The following PDPK1 variants were observed in gnomAD, a reference collection of about 807,000 sequenced individuals.
PDPK1 encodes the protein 3-phosphoinositide-dependent protein kinase 1.
In PDPK1, 7 loss-of-function variants were observed where a neutral mutation model predicts 39.8. The observed-to-expected ratio is 0.18, with a 90% CI of 0.10 to 0.33. PDPK1 has a LOEUF of 0.33. PDPK1 is among the 10% of genes least tolerant of loss of function. PDPK1 has a pLI of 1.00. For missense variants in PDPK1, 182 were observed against 384.7 expected, an observed-to-expected ratio of 0.47 and a Z score of 4.41; for synonymous variants, 118 against 159.1, an observed-to-expected ratio of 0.74 and a Z score of 1.95.
chr16:2,588,377 C>T (rs551891112), intron 11 of PDPK1, among the ~76,000 whole-genome samples: 1 of 152,290 alleles, frequency 6.6e-6, no homozygotes, highest in African/African-American at 2.4e-5. Flanking sequence ...AGGAGCTTCC[C>T]GGGCTCGTGT....
intron 1 of PDPK1, among the ~76,000 whole-genome samples, chr16:2,551,680 T>G: frequency 7.7e-6 from 1 of 129,942 alleles, no homozygotes; most frequent in South Asian, 2.2e-4. Flanking sequence ...TTTTTTTTTG[T>G]TTTTAGACGG....
At chr16:2,595,412 G>A (rs2067080199) in intron 11 of PDPK1, among the ~76,000 whole-genome samples, 1 of 152,074 alleles carries the variant, frequency 6.6e-6, no homozygotes, top group African/African-American at 2.4e-5. Context: ...TTGACTCCGC[G>A]GGCAGCCACC....
At chr16:2,584,523 A>G (rs1160181280) in intron 10 of PDPK1, among the ~76,000 whole-genome samples, 378 of 148,796 alleles carry the variant, frequency 2.5e-3, no homozygotes, top group African/African-American at 8.4e-3. Flanking sequence ...GTGCACCACC[A>G]TGCCCGGCTA....
rs1468938753 is a variant in PDPK1, at chr16:2,541,021, T to A, written c.24+2885T>A. ...CTTATGTGGCTGGTCTGGTGCATAG[T>A]GTGATGTATTCCTGTACGCAACGTT... On this transcript the variant is annotated intron_variant, in intron 1 of 13. Coordinates refer to ENST00000342085, the MANE Select transcript of PDPK1 (RefSeq NM_002613.5). Among the ~76,000 whole-genome samples, 3 of 152,026 alleles carry A rather than the reference T, an allele frequency of 2.0e-5. No homozygotes were observed. In the East Asian group the frequency reaches 5.8e-4, roughly 29 times the overall value.
chr16:2,538,303 G>T (rs959260699), intron 1 of PDPK1, 167 bp downstream of exon 1: 4 of 262,362 alleles, frequency 1.5e-5, no homozygotes, highest in African/African-American at 9.2e-5. Flanking sequence ...CGAGGGCGCT[G>T]CTTGGCTGCG....
Position 2,599,145 on chromosome 16 carries a change from A to T in PDPK1, c.*1378A>T, listed in dbSNP as rs559396383. The T allele has an allele frequency of 2.5e-4, 59 of 233,420 alleles. No individual in the cohort carries two copies. The highest frequency in any genetic ancestry group is 1.1e-3 in the African/African-American group (49 of 45,466). 14.5% of individuals were successfully genotyped at this position (233,420 alleles called of 1,614,324 possible). A position where few individuals can be genotyped will look rare whatever the true frequency, so the allele number is the denominator to read the frequency against. ...TTGCCTAGCTACTCCCCAGGTAGAG[A>T]GTGCTCCTGGTGGCCTGGCAGGTCT... On this transcript the variant is annotated 3_prime_UTR_variant, in exon 14 of 14. Transcript: ENST00000342085.
chr16:2,573,964 TTGTG>T, intron 6 of PDPK1, among the ~76,000 whole-genome samples: 1 of 28,362 alleles, frequency 3.5e-5, no homozygotes, highest in East Asian at 1.2e-3. Flanking sequence ...CCGGCTAATT[TTGTG>T]TGTTTTTAGT....
chr16:2,538,560 A>G (rs970743515), intron 1 of PDPK1: 40 of 1,128,156 alleles, frequency 3.5e-5, no homozygotes, highest in Non-Finnish European at 4.3e-5. Flanking sequence ...CCTGCGAGAG[A>G]AGCAGAAGGT....
intron 1 of PDPK1, among the ~76,000 whole-genome samples, chr16:2,540,205 C>T (rs562588987): frequency 6.6e-6 from 1 of 152,224 alleles, no homozygotes; most frequent in African/African-American, 2.4e-5. Context: ...GAGAAGCCCC[C>T]TTCCCAGTGA....
intron 1 of PDPK1, among the ~76,000 whole-genome samples, chr16:2,544,968 C>G (rs1028131937): frequency 2.0e-5 from 3 of 151,744 alleles, no homozygotes; most frequent in Non-Finnish European, 2.9e-5. Flanking sequence ...TCTCCAGATG[C>G]CTTCTGAGCT....
intron 7 of PDPK1, 51 bp downstream of exon 7, chr16:2,577,551 A>G: frequency 7.6e-7 from 1 of 1,317,792 alleles, no homozygotes; most frequent in Non-Finnish European, 1.1e-6. Context: ...CACAGAAATT[A>G]ATATTTGAGA....
At chr16:2,577,304 G>T in intron 6 of PDPK1, 121 bp from the exon 7 acceptor site, 2 of 703,060 alleles carry the variant, frequency 2.8e-6, no homozygotes, top group Non-Finnish European at 5.1e-6. Context: ...AGCCAGCCCC[G>T]GTGCGCCCCG....
At chr16:2,586,061 A>G (rs2066868236) in intron 10 of PDPK1, among the ~76,000 whole-genome samples, 1 of 152,174 alleles carries the variant, frequency 6.6e-6, no homozygotes, top group African/African-American at 2.4e-5. Context: ...TGGCACGTTT[A>G]TGAGTGAGTT....
chr16:2,597,573 C>T lies in PDPK1; in HGVS notation c.1555-78C>T, dbSNP rs1362827998. The T allele has an allele frequency of 1.2e-5, 12 of 1,035,088 alleles. 1 individual carries two copies. The highest frequency in any genetic ancestry group is 2.3e-4 in the Middle Eastern group (1 of 4,284). 64.1% of individuals were successfully genotyped at this position (1,035,088 alleles called of 1,614,324 possible). A position where few individuals can be genotyped will look rare whatever the true frequency, so the allele number is the denominator to read the frequency against. ...GCTTTCAGGACTCGGAATGGCTGGT[C>T]GCAGGCAGCTCACCAGGTTGGGGTG... is the stretch of plus-strand genomic sequence containing the variant. On this transcript the variant is annotated intron_variant, in intron 13 of 13. Transcript: ENST00000342085. This position sits in a 1 kb window ranked among gnomAD's most constrained non-coding sequence, Gnocchi z 6.3.
intron 1 of PDPK1, among the ~76,000 whole-genome samples, chr16:2,545,687 G>A (rs552060021): frequency 3.3e-5 from 5 of 152,130 alleles, no homozygotes; most frequent in East Asian, 1.9e-4. Context: ...TAGAGACGGC[G>A]TTTTACCATC....
At position 2,600,476 on chromosome 16, in the gene PDPK1, G is replaced by A; in HGVS notation, c.*2709G>A. ...GATTCCTTTCTCCCCTCTTTGTGTGGCCCCAGCCAGGGCGGTGGGCAGTCC... is the reference window on the plus strand; with the variant it reads ...GATTCCTTTCTCCCCTCTTTGTGTGACCCCAGCCAGGGCGGTGGGCAGTCC... On this transcript the variant is annotated 3_prime_UTR_variant, in exon 14 of 14. Coordinates refer to ENST00000342085, the MANE Select transcript of PDPK1 (RefSeq NM_002613.5). 4.4e-6 allele frequency: 1 copy of A among 229,418 alleles called. No individual in the cohort carries two copies. Among genetic ancestry groups the A allele is most frequent in the Non-Finnish European group, 8.6e-6 (1 of 116,804 alleles). The allele number at this position is 229,418 out of a possible 1,614,324, so 14.2% of individuals were successfully genotyped here. A position where few individuals can be genotyped will look rare whatever the true frequency, so the allele number is the denominator to read the frequency against.
intron 1 of PDPK1, among the ~76,000 whole-genome samples, chr16:2,549,991 C>A (rs2141947610): frequency 7.0e-6 from 1 of 143,720 alleles, no homozygotes; most frequent in East Asian, 2.3e-4. Context: ...ACCCCCTACT[C>A]ATGGGAGGGC....
In PDPK1 at chr16:2,538,035, G is replaced by A. The variant is rs1055128402; in HGVS notation, c.-78G>A. On this transcript the variant is annotated 5_prime_UTR_variant, in exon 1 of 14. Transcript: ENST00000342085. ...TGAGGGCGGCCATTGCTGGGGCTCC[G>A]CTTCGGGGAGGAGGACGCTGAGGAG... 128 of 653,812 alleles carry A rather than the reference G, an allele frequency of 2.0e-4. No individual in the cohort carries two copies. Among genetic ancestry groups the A allele is most frequent in the Middle Eastern group, 1.4e-3 (2 of 1,440 alleles). 40.5% of individuals were successfully genotyped at this position (653,812 alleles called of 1,614,324 possible). A position where few individuals can be genotyped will look rare whatever the true frequency, so the allele number is the denominator to read the frequency against.
At chr16:2,586,167 C>T (rs1420279256) in intron 10 of PDPK1, among the ~76,000 whole-genome samples, 1 of 152,240 alleles carries the variant, frequency 6.6e-6, no homozygotes, top group Non-Finnish European at 1.5e-5. Flanking sequence ...AGAGGAATGT[C>T]TTTTAAACAA....
Sources: allele counts gnomAD v4.1 joint callset (sites outside exome capture counted in the v4.1 genomes callset), GRCh38; gene constraint gnomAD v4.1.1; non-coding constraint Gnocchi (gnomAD v3.1); transcripts MANE v1.5; gene names NCBI Gene and HGNC (gene_info 2026-07-23, HGNC 2026-07-21).